COL11A1: variants seen among roughly 807,000 people sequenced by gnomAD.
COL11A1 encodes collagen alpha-1(XI) chain.
Under a neutral mutation model 265.2 loss-of-function variants are expected in COL11A1, and 74 were observed. That is an observed-to-expected ratio of 0.28 (90% CI 0.23 to 0.34). COL11A1 has a LOEUF of 0.34. Among genes scored for constraint, COL11A1 ranks in the 10% least tolerant of loss-of-function variants. The probability of loss-of-function intolerance (pLI) is 1.00; values close to 1 mark genes in which losing one functional copy is unlikely to be tolerated. For missense variants in COL11A1, 2,165 were observed against 2,263.6 expected, an observed-to-expected ratio of 0.96 and a Z score of 0.88; for synonymous variants, 816 against 727.6, an observed-to-expected ratio of 1.12 and a Z score of -1.96.
intron 14 of COL11A1, among the ~76,000 whole-genome samples, chr1:103,008,867 G>C (rs1665872875): frequency 6.6e-6 from 1 of 152,122 alleles, no homozygotes; most frequent in African/African-American, 2.4e-5. Flanking sequence ...TGTAGTAGTA[G>C]AGTAACCCAT....
chr1:103,094,620 A>G (rs1015480941), intron 1 of COL11A1, among the ~76,000 whole-genome samples: 3 of 152,072 alleles, frequency 2.0e-5, no homozygotes, highest in African/African-American at 7.2e-5. Flanking sequence ...CATGAAGATG[A>G]TGATGATGAT....
At chr1:102,931,769 G>T (rs925613175) in intron 46 of COL11A1, among the ~76,000 whole-genome samples, 99 of 151,924 alleles carry the variant, frequency 6.5e-4, no homozygotes, top group Non-Finnish European at 1.2e-3. Context: ...TATGAATCTT[G>T]GTGCTCCTGT....
chr1:103,017,714 C>T (rs2101914180), intron 11 of COL11A1, 106 bp downstream of exon 11: 1 of 950,352 alleles, frequency 1.1e-6, no homozygotes, highest in East Asian at 2.4e-5. Flanking sequence ...TGCCTTTACC[C>T]CTCCCACACG....
chr1:103,058,107 A>C (rs1200141960), intron 4 of COL11A1, among the ~76,000 whole-genome samples: 1 of 152,232 alleles, frequency 6.6e-6, no homozygotes, highest in Non-Finnish European at 1.5e-5. Flanking sequence ...AATTTACCTT[A>C]GCTAGATCTT....
intron 1 of COL11A1, among the ~76,000 whole-genome samples, chr1:103,093,547 T>C (rs1003372376): frequency 2.0e-5 from 3 of 152,142 alleles, no homozygotes; most frequent in Non-Finnish European, 4.4e-5. Flanking sequence ...CAGTCAGGTT[T>C]ATGAGGAAGG....
intron 14 of COL11A1, among the ~76,000 whole-genome samples, chr1:103,010,465 C>G (rs1666013063): frequency 6.6e-6 from 1 of 152,108 alleles, no homozygotes; most frequent in East Asian, 1.9e-4. Flanking sequence ...TTGCCTATGA[C>G]TTTGAGAATG....
intron 3 of COL11A1, among the ~76,000 whole-genome samples, chr1:103,075,467 C>T (rs1671903279): frequency 6.6e-6 from 1 of 152,084 alleles, no homozygotes; most frequent in Non-Finnish European, 1.5e-5. Context: ...ATAGTCAACG[C>T]ATGTGTGGAA....
In COL11A1 at chr1:103,001,938, G is replaced by A. The variant is rs1317627473; in HGVS notation, c.2129C>T (p.Pro710Leu). The change falls in exon 24 of 67, where the codon CCT becomes CTT. Residue 710 changes from proline (P) to leucine (L), a missense_variant. By Grantham distance (98) the Pro-to-Leu change is moderately conservative. Coordinates refer to ENST00000370096, the MANE Select transcript of COL11A1 (RefSeq NM_001854.4). ...AGAGTAACTTACTTTTTCACCAGGA[G>A]GACCAATTGGACCTTGTGGACCAGG... ...GLPGPQGPIG[P>L]PGEKGPQGKP... 1 of 1,613,300 alleles carries A rather than the reference G, an allele frequency of 6.2e-7. No individual in the cohort carries two copies. Among genetic ancestry groups the A allele is most frequent in the African/African-American group, 1.3e-5 (1 of 75,002 alleles).
In COL11A1 at chr1:103,058,109, C is replaced by T. The variant is rs181120043; in HGVS notation, c.651+16509G>A. On this transcript the variant is annotated intron_variant, in intron 4 of 66. Coordinates refer to ENST00000370096, the MANE Select transcript of COL11A1 (RefSeq NM_001854.4). ...AGCAGCTTTCAACAATTTACCTTAG[C>T]TAGATCTTCTGGATAATTGTCTACA... 1.6e-3 allele frequency among the ~76,000 whole-genome samples: 251 copies of T among 152,322 alleles called. 2 individuals carry two copies. Among genetic ancestry groups the T allele is most frequent in the African/African-American group, 5.8e-3 (241 of 41,572 alleles).
intron 28 of COL11A1, 98 bp from the exon 29 acceptor site, chr1:102,989,669 A>G (rs1366782901): frequency 2.6e-6 from 2 of 777,278 alleles, no homozygotes; most frequent in African/African-American, 1.7e-5. Flanking sequence ...AACGAGGGAA[A>G]ATTATTTTTG....
intron 4 of COL11A1, among the ~76,000 whole-genome samples, chr1:103,040,588 T>C (rs1273124519): frequency 6.6e-6 from 1 of 151,572 alleles, no homozygotes; most frequent in Non-Finnish European, 1.5e-5. Context: ...ATTTAAAATG[T>C]TACCACAGTT....
At chr1:102,954,831 C>T (rs949604415) in intron 41 of COL11A1, among the ~76,000 whole-genome samples, 2 of 137,732 alleles carry the variant, frequency 1.5e-5, no homozygotes, top group African/African-American at 5.3e-5. Context: ...GCGACAAGAG[C>T]GAAACTCCCT....
At chr1:102,921,639 T>G in intron 47 of COL11A1, 68 bp from the exon 48 acceptor site, 1 of 1,319,052 alleles carries the variant, frequency 7.6e-7, no homozygotes, top group Non-Finnish European at 1.1e-6. Flanking sequence ...TTTCATTTTA[T>G]GACTGAAAAA....
intron 4 of COL11A1, among the ~76,000 whole-genome samples, chr1:103,033,203 T>C (rs1668117237): frequency 6.6e-6 from 1 of 152,126 alleles, no homozygotes; most frequent in Non-Finnish European, 1.5e-5. Context: ...CATTCCCTTT[T>C]ATGGACATGC....
chr1:102,943,482 C>A (rs1463045), intron 42 of COL11A1, among the ~76,000 whole-genome samples: 57,392 of 120,834 alleles, frequency 0.47, 12,175 homozygotes, highest in East Asian at 0.7. Context: ...CACACACACA[C>A]ACAAACAACC....
intron 15 of COL11A1, among the ~76,000 whole-genome samples, chr1:103,006,820 G>A (rs1448211078): frequency 6.6e-6 from 1 of 151,972 alleles, no homozygotes; most frequent in African/African-American, 2.4e-5. Context: ...GAGCCACCGC[G>A]CCCGGCCCTT....
rs541694324 is a variant in COL11A1 at position 102,950,541 on chromosome 1, A to AT, written c.3169-3586dup. On this transcript the variant is annotated intron_variant, in intron 41 of 66. Transcript: ENST00000370096. ...AAAATATTCAACTCACATTCTTAGAATTTTTTTTTTACTTTATATCTTAGC... is the reference window on the plus strand; with the variant it reads ...AAAATATTCAACTCACATTCTTAGAATTTTTTTTTTTACTTTATATCTTAGC... 5.7e-3 allele frequency among the ~76,000 whole-genome samples: 849 copies of AT among 149,994 alleles called. 3 individuals are homozygous for AT. The highest frequency in any genetic ancestry group is 0.01 in the Middle Eastern group (3 of 292).
At chr1:102,895,584 T>C (rs987091802) in intron 57 of COL11A1, among the ~76,000 whole-genome samples, 1 of 152,058 alleles carries the variant, frequency 6.6e-6, no homozygotes, top group South Asian at 2.1e-4. Flanking sequence ...AAATTCATCA[T>C]GGAGAAAGTA....
intron 14 of COL11A1, among the ~76,000 whole-genome samples, chr1:103,009,429 T>C (rs1367386984): frequency 6.6e-6 from 1 of 151,698 alleles, no homozygotes. Context: ...AATAAATAAA[T>C]AAAAATAACT....
Sources: allele counts gnomAD v4.1 joint callset (sites outside exome capture counted in the v4.1 genomes callset), GRCh38; gene constraint gnomAD v4.1.1; transcripts MANE v1.5; gene names NCBI Gene and HGNC (gene_info 2026-07-23, HGNC 2026-07-21).